The following LMX1A variants were observed in gnomAD, a reference collection of about 807,000 sequenced individuals.
LMX1A encodes LIM homeobox transcription factor 1 alpha.
LMX1A carries 15 observed loss-of-function variants against 49.1 expected under a neutral mutation model. That is an observed-to-expected ratio of 0.31 (90% CI 0.20 to 0.47). The LOEUF (loss-of-function observed/expected upper bound fraction) is 0.47, where lower values mean the gene tolerates loss of function less well. LMX1A is among the 20% of genes least tolerant of loss of function. The pLI is 1.00. For missense variants in LMX1A, 372 were observed against 475.8 expected (o/e 0.78, Z 2.03); for synonymous variants, 167 against 185.7 (o/e 0.90, Z 0.82).
intron 3 of LMX1A, among the ~76,000 whole-genome samples, chr1:165,278,599 T>C (rs921612031): frequency 2.0e-5 from 3 of 152,170 alleles, no homozygotes; most frequent in Non-Finnish European, 2.9e-5. Flanking sequence ...ACCTGCAGTC[T>C]TTCTGAACCT....
rs539690768 is a variant in LMX1A, at chr1:165,231,454, T to G, written c.497-17641A>C. Among the ~76,000 whole-genome samples, 51 of 152,228 alleles carry G rather than the reference T, an allele frequency of 3.4e-4. 1 individual carries two copies. Among genetic ancestry groups the G allele is most frequent in the African/African-American group, 1.2e-3 (49 of 41,548 alleles). On this transcript the variant is annotated intron_variant, in intron 4 of 8. Coordinates refer to ENST00000342310, the MANE Select transcript of LMX1A (RefSeq NM_177398.4). ...AGTAGCTGAGACTAATTAGCCTGCATGCACCACCATGCCAGGCTAATTTTG... is the reference window on the plus strand; with the variant it reads ...AGTAGCTGAGACTAATTAGCCTGCAGGCACCACCATGCCAGGCTAATTTTG...
chr1:165,292,779 G>C (rs1433052760), intron 3 of LMX1A, among the ~76,000 whole-genome samples: 1 of 152,268 alleles, frequency 6.6e-6, no homozygotes, highest in South Asian at 2.1e-4. Flanking sequence ...ACTCTAGTCT[G>C]TTGTCTTGGG....
Position 165,320,573 on chromosome 1 carries a change from G to C in LMX1A, c.263+32503C>G, listed in dbSNP as rs544243036. On this transcript the variant is annotated intron_variant, in intron 3 of 8. Transcript: ENST00000342310. ...GGCAGAGCACCAGTACTCTAGTAGGGGGCTCCACAGAGTCATCTCAAACCT... is the reference window on the plus strand; with the variant it reads ...GGCAGAGCACCAGTACTCTAGTAGGCGGCTCCACAGAGTCATCTCAAACCT... Among the ~76,000 whole-genome samples the C allele has an allele frequency of 2.2e-4, 33 of 152,284 alleles. No homozygotes were observed. The South Asian group carries it at 4.1e-3, about 19-fold the overall frequency.
At chr1:165,231,428 G>A (rs747794109) in intron 4 of LMX1A, among the ~76,000 whole-genome samples, 1 of 152,040 alleles carries the variant, frequency 6.6e-6, no homozygotes, top group African/African-American at 2.4e-5. Flanking sequence ...TCAGCCTCCT[G>A]AGTAGCTGAG....
chr1:165,317,287 A>G (rs570682238), intron 3 of LMX1A, among the ~76,000 whole-genome samples: 2 of 152,322 alleles, frequency 1.3e-5, no homozygotes, highest in African/African-American at 4.8e-5. Flanking sequence ...ATATGCTCCA[A>G]TGATTCCAAC....
intron 3 of LMX1A, 38 bp downstream of exon 3, chr1:165,353,038 C>G: frequency 6.2e-7 from 1 of 1,604,378 alleles, no homozygotes; most frequent in South Asian, 1.1e-5. Flanking sequence ...ACACTGATGC[C>G]AGTGCGCGGG....
At chr1:165,300,519 C>T (rs1014250924) in intron 3 of LMX1A, among the ~76,000 whole-genome samples, 2 of 152,144 alleles carry the variant, frequency 1.3e-5, no homozygotes, top group African/African-American at 4.8e-5. Context: ...AAGTGGTTCT[C>T]ATCAGCTGTT....
intron 3 of LMX1A, among the ~76,000 whole-genome samples, chr1:165,259,993 A>G (rs1199214517): frequency 6.6e-6 from 1 of 152,224 alleles, no homozygotes; most frequent in East Asian, 1.9e-4. Flanking sequence ...GTGGATTTCA[A>G]TAACTCAAGC....
At chr1:165,228,331 T>A (rs1652109635) in intron 4 of LMX1A, among the ~76,000 whole-genome samples, 1 of 152,186 alleles carries the variant, frequency 6.6e-6, no homozygotes. Flanking sequence ...ATTTCCTCAC[T>A]CTGTCCCTCA....
chr1:165,210,820 G>C, intron 5 of LMX1A, 44 bp from the exon 6 acceptor site: 1 of 1,466,620 alleles, frequency 6.8e-7, no homozygotes, highest in East Asian at 2.3e-5. Flanking sequence ...TGGCATCTCA[G>C]GGTAGGAGGT....
At chr1:165,316,118 A>C (rs913260552) in intron 3 of LMX1A, among the ~76,000 whole-genome samples, 1 of 152,086 alleles carries the variant, frequency 6.6e-6, no homozygotes, top group Non-Finnish European at 1.5e-5. Context: ...GGGACATTTT[A>C]TTTTTTGACA....
chr1:165,252,177 A>G (rs1301155954), intron 3 of LMX1A, among the ~76,000 whole-genome samples: 1 of 152,232 alleles, frequency 6.6e-6, no homozygotes, highest in Non-Finnish European at 1.5e-5. Flanking sequence ...GAATATTTAT[A>G]TACTCTCACA....
At chr1:165,294,068 G>T (rs2101718328) in intron 3 of LMX1A, among the ~76,000 whole-genome samples, 1 of 152,316 alleles carries the variant, frequency 6.6e-6, no homozygotes, top group East Asian at 1.9e-4. Flanking sequence ...CTGAAACACA[G>T]AGAGCTTACA....
At chr1:165,343,972 T>C (rs566712940) in intron 3 of LMX1A, among the ~76,000 whole-genome samples, 1 of 152,332 alleles carries the variant, frequency 6.6e-6, no homozygotes, top group Non-Finnish European at 1.5e-5. Flanking sequence ...ATTCTCCCAA[T>C]TTGACAGCTA....
chr1:165,237,310 G>A (rs1652486135), intron 4 of LMX1A, among the ~76,000 whole-genome samples: 1 of 152,142 alleles, frequency 6.6e-6, no homozygotes, highest in Non-Finnish European at 1.5e-5. Flanking sequence ...TGCAACCTCC[G>A]CCTCCTGGGT....
At chr1:165,318,895 C>T (rs924769746) in intron 3 of LMX1A, among the ~76,000 whole-genome samples, 1 of 151,950 alleles carries the variant, frequency 6.6e-6, no homozygotes, top group South Asian at 2.1e-4. Context: ...AATCTTGTAA[C>T]GTGGAAGAAA....
intron 3 of LMX1A, among the ~76,000 whole-genome samples, chr1:165,294,920 C>T (rs530166763): frequency 2.0e-5 from 3 of 152,216 alleles, no homozygotes; most frequent in South Asian, 4.1e-4. Context: ...GCCGAGATCA[C>T]GCCAGTGCAC....
chr1:165,233,379 C>G (rs1362439407), intron 4 of LMX1A, among the ~76,000 whole-genome samples: 1 of 152,132 alleles, frequency 6.6e-6, no homozygotes, highest in African/African-American at 2.4e-5. Context: ...TGCATGAGCC[C>G]AAGAGGTTGA....
intron 3 of LMX1A, among the ~76,000 whole-genome samples, chr1:165,280,759 C>A (rs1315779747): frequency 1.3e-5 from 2 of 152,138 alleles, no homozygotes; most frequent in Non-Finnish European, 2.9e-5. Context: ...ACTTATATAT[C>A]TGGGGCCAAA....
Sources: allele counts gnomAD v4.1 joint callset (sites outside exome capture counted in the v4.1 genomes callset), GRCh38; gene constraint gnomAD v4.1.1; transcripts MANE v1.5; gene names NCBI Gene and HGNC (gene_info 2026-07-23, HGNC 2026-07-21).